The following MAP7 variants were observed in gnomAD, a reference collection of about 807,000 sequenced individuals.
MAP7 encodes microtubule associated protein 7.
In MAP7, 52 loss-of-function variants were observed where a neutral mutation model predicts 94.8. The observed-to-expected ratio is 0.55, with a 90% CI of 0.44 to 0.69. MAP7 has a LOEUF of 0.69. Among genes scored for constraint, MAP7 ranks in the 30% least tolerant of loss-of-function variants. MAP7 has a pLI of 0.00. For synonymous variants in MAP7, 350 were observed against 357.0 expected (o/e 0.98, Z 0.22); for missense variants, 940 against 964.6 (o/e 0.97, Z 0.34).
chr6:136,513,082 T>G (rs1369855519), intron 1 of MAP7, among the ~76,000 whole-genome samples: 1 of 152,170 alleles, frequency 6.6e-6, no homozygotes, highest in East Asian at 1.9e-4. Context: ...TGGGTTCAAA[T>G]GATCCTCCTG....
chr6:136,516,262 G>A (rs1824792847), intron 1 of MAP7, among the ~76,000 whole-genome samples: 2 of 151,992 alleles, frequency 1.3e-5, no homozygotes, highest in Non-Finnish European at 1.5e-5. Context: ...CTTGGGCTCA[G>A]GGGATTCTCC....
At chr6:136,424,944 TC>T (rs1295390605) in intron 1 of MAP7, among the ~76,000 whole-genome samples, 3 of 152,232 alleles carry the variant, frequency 2.0e-5, no homozygotes, top group Admixed American at 6.5e-5. Context: ...TAAACTCAGT[TC>T]CCAGCTCTGT....
intron 1 of MAP7, among the ~76,000 whole-genome samples, chr6:136,506,077 T>C (rs1261474655): frequency 6.6e-6 from 1 of 152,226 alleles, no homozygotes; most frequent in Non-Finnish European, 1.5e-5. Flanking sequence ...GTGTTTTTAA[T>C]TGAATGTAAT....
intron 1 of MAP7, among the ~76,000 whole-genome samples, chr6:136,507,143 G>A (rs1024906406): frequency 6.6e-6 from 1 of 151,820 alleles, no homozygotes; most frequent in South Asian, 2.1e-4. Context: ...CTTTTAACAG[G>A]GGCTATAAGA....
intron 5 of MAP7, among the ~76,000 whole-genome samples, chr6:136,388,086 C>G (rs1472878061): frequency 6.6e-6 from 1 of 152,066 alleles, no homozygotes. Flanking sequence ...ATCCTGAAAC[C>G]CTAATGCAAA....
intron 1 of MAP7, among the ~76,000 whole-genome samples, chr6:136,457,329 C>T (rs974907827): frequency 2.0e-5 from 3 of 151,576 alleles, no homozygotes; most frequent in Admixed American, 2.0e-4. Flanking sequence ...AAAATCCCGC[C>T]CCCATCCCCT....
intron 1 of MAP7, among the ~76,000 whole-genome samples, chr6:136,451,930 C>G (rs779167634): frequency 5.9e-5 from 9 of 152,228 alleles, no homozygotes; most frequent in Non-Finnish European, 1.2e-4. Flanking sequence ...GGTGCAGTGG[C>G]TCACGCCTGT....
chr6:136,452,236 A>ACAAAACAAAC, intron 1 of MAP7, among the ~76,000 whole-genome samples: 1 of 152,038 alleles, frequency 6.6e-6, no homozygotes, highest in Non-Finnish European at 1.5e-5. Flanking sequence ...ACAAAACAAA[A>ACAAAACAAAC]CAAAACTTGA....
At chr6:136,437,810 CT>C in intron 1 of MAP7, among the ~76,000 whole-genome samples, 1 of 152,116 alleles carries the variant, frequency 6.6e-6, no homozygotes, top group East Asian at 1.9e-4. Context: ...AAAGCTTAGG[CT>C]GATTTTAAAA....
chr6:136,442,745 C>T (rs1798241276), intron 1 of MAP7, among the ~76,000 whole-genome samples: 1 of 152,176 alleles, frequency 6.6e-6, no homozygotes, highest in Admixed American at 6.5e-5. Context: ...TCTGGGTTCC[C>T]TAAACTAATG....
intron 2 of MAP7, among the ~76,000 whole-genome samples, chr6:136,413,517 C>A (rs1174120401): frequency 5.3e-5 from 8 of 149,682 alleles, no homozygotes. Flanking sequence ...GAGCGAGACA[C>A]CGTCTCAGAA....
chr6:136,414,174 A>C (rs1582841394), intron 2 of MAP7, among the ~76,000 whole-genome samples: 2 of 139,094 alleles, frequency 1.4e-5, no homozygotes, highest in Non-Finnish European at 1.5e-5. Flanking sequence ...AATGGCGTGA[A>C]CCCGGGAGGC....
chr6:136,353,583 T>G (rs1789851818), intron 16 of MAP7, among the ~76,000 whole-genome samples: 1 of 152,212 alleles, frequency 6.6e-6, no homozygotes, highest in Admixed American at 6.5e-5. Context: ...AGACAGGGTC[T>G]CGCTCTGTCA....
intron 1 of MAP7, among the ~76,000 whole-genome samples, chr6:136,536,808 T>C (rs965140588): frequency 1.3e-5 from 2 of 152,222 alleles, no homozygotes; most frequent in African/African-American, 4.8e-5. Flanking sequence ...AACTGTTGAA[T>C]GAACATGTTT....
chr6:136,523,444 T>C (rs546873010), intron 1 of MAP7, among the ~76,000 whole-genome samples: 2 of 152,374 alleles, frequency 1.3e-5, no homozygotes, highest in African/African-American at 4.8e-5. Context: ...GCTCTGCAGC[T>C]GTGGCTATTG....
intron 1 of MAP7, among the ~76,000 whole-genome samples, chr6:136,479,853 C>T (rs1812170748): frequency 1.3e-5 from 2 of 151,772 alleles, no homozygotes; most frequent in Admixed American, 6.6e-5. Context: ...GAAGGGGACA[C>T]ACAAAAAAAG....
Position 136,343,630 on chromosome 6 carries a change from C to T in MAP7, c.*598G>A, listed in dbSNP as rs1428429325. ...TCACATTTTAAAACATTTTAGTCTG[C>T]TTTTGCAAAAGGAGTTGCAAGAAAA... On this transcript the variant is annotated 3_prime_UTR_variant, in exon 18 of 18. Coordinates refer to ENST00000354570, the MANE Select transcript of MAP7 (RefSeq NM_003980.6). 1 of 152,080 alleles carries T rather than the reference C, an allele frequency of 6.6e-6. No individual in the cohort carries two copies. Among genetic ancestry groups the T allele is most frequent in the African/African-American group, 2.4e-5 (1 of 41,430 alleles). The allele number at this position is 152,080 out of a possible 1,614,324, so 9.4% of individuals were successfully genotyped here.
intron 1 of MAP7, among the ~76,000 whole-genome samples, chr6:136,460,183 C>T (rs1562426401): frequency 6.6e-6 from 1 of 152,100 alleles, no homozygotes; most frequent in Admixed American, 6.6e-5. Context: ...GGGACTATTC[C>T]TTCCATGGAT....
intron 1 of MAP7, among the ~76,000 whole-genome samples, chr6:136,485,145 G>T (rs1814220904): frequency 6.6e-6 from 1 of 152,198 alleles, no homozygotes; most frequent in Admixed American, 6.5e-5. Context: ...GGTATGAATT[G>T]TGTCTCTTAG....
Sources: gnomAD v4.1 joint callset for allele counts (sites outside exome capture counted in the v4.1 genomes callset) on GRCh38, gnomAD v4.1.1 for gene constraint, MANE v1.5 for transcripts, NCBI Gene and HGNC (gene_info 2026-07-23, HGNC 2026-07-21) for gene names.